The following TTC28 variants were observed in gnomAD, a reference collection of about 807,000 sequenced individuals.
TTC28 encodes tetratricopeptide repeat domain 28.
In TTC28, 61 loss-of-function variants were observed where a neutral mutation model predicts 198.0. The ratio of observed to expected loss-of-function variants is 0.31; its 90% confidence interval spans 0.25 to 0.38. The LOEUF is 0.38. TTC28 is among the 10% of genes least tolerant of loss of function. The pLI is 1.00. For missense variants in TTC28, 2,678 were observed against 3,164.0 expected, an observed-to-expected ratio of 0.85 and a Z score of 3.69; for synonymous variants, 1,171 against 1,297.8, an observed-to-expected ratio of 0.90 and a Z score of 2.10.
chr22:28,089,059 G>A (rs945184099), intron 12 of TTC28, among the ~76,000 whole-genome samples: 3 of 152,196 alleles, frequency 2.0e-5, no homozygotes, highest in African/African-American at 7.2e-5. Context: ...CTTTTACACT[G>A]TTGTTGGGAC....
intron 2 of TTC28, among the ~76,000 whole-genome samples, chr22:28,573,699 ACAAT>A (rs772579494): frequency 1.3e-5 from 2 of 152,096 alleles, no homozygotes; most frequent in Non-Finnish European, 2.9e-5. Context: ...TGTGTTACAA[ACAAT>A]CTAATTATAT....
intron 5 of TTC28, among the ~76,000 whole-genome samples, chr22:28,227,909 T>C (rs541643007): frequency 6.6e-6 from 1 of 152,198 alleles, no homozygotes; most frequent in Non-Finnish European, 1.5e-5. Context: ...AAATAGATAT[T>C]TGCACGTCCA....
At chr22:28,514,114 TATCTCC>T (rs2048737940) in intron 2 of TTC28, among the ~76,000 whole-genome samples, 1 of 152,196 alleles carries the variant, frequency 6.6e-6, no homozygotes, top group South Asian at 2.1e-4. Context: ...CACCTTTTTA[TATCTCC>T]ATGTATTCTT....
intron 12 of TTC28, among the ~76,000 whole-genome samples, chr22:28,062,541 C>G (rs1462856480): frequency 1.3e-5 from 2 of 151,026 alleles, no homozygotes; most frequent in Non-Finnish European, 2.9e-5. Context: ...GCCATCGTAG[C>G]TCACTGTAGA....
chr22:28,529,340 G>A (rs1433630471), intron 2 of TTC28, among the ~76,000 whole-genome samples: 1 of 152,202 alleles, frequency 6.6e-6, no homozygotes, highest in Admixed American at 6.5e-5. Flanking sequence ...GAACTGCAAG[G>A]CAGCAGCGAG....
At chr22:28,408,592 T>C (rs1396088764) in intron 2 of TTC28, among the ~76,000 whole-genome samples, 2 of 152,212 alleles carry the variant, frequency 1.3e-5, no homozygotes, top group Non-Finnish European at 2.9e-5. Flanking sequence ...GGTTTCAACA[T>C]GTTTGTCAGG....
chr22:28,094,724 G>C (rs1941921471), intron 11 of TTC28, among the ~76,000 whole-genome samples: 1 of 152,148 alleles, frequency 6.6e-6, no homozygotes, highest in Non-Finnish European at 1.5e-5. Context: ...ATAAAGGCCA[G>C]ATAAAAACAT....
chr22:28,378,644 C>CA (rs1263973648), intron 2 of TTC28, among the ~76,000 whole-genome samples: 1 of 148,072 alleles, frequency 6.8e-6, no homozygotes, highest in Non-Finnish European at 1.5e-5. Flanking sequence ...GATTCTGTGT[C>CA]AAAAAAACAA....
intron 2 of TTC28, among the ~76,000 whole-genome samples, chr22:28,510,557 A>G (rs2048673808): frequency 6.6e-6 from 1 of 152,152 alleles, no homozygotes. Flanking sequence ...CCCACAACCA[A>G]TATCATACTG....
chr22:28,103,549 C>T (rs902360099), intron 8 of TTC28, among the ~76,000 whole-genome samples: 15 of 152,126 alleles, frequency 9.9e-5, no homozygotes, highest in African/African-American at 1.4e-4. Flanking sequence ...TCAGAGCATT[C>T]GGAAAGCACC....
chr22:28,559,896 A>G lies in TTC28; in HGVS notation c.381+69656T>C, dbSNP rs546488400. On this transcript the variant is annotated intron_variant, in intron 2 of 22. Transcript: ENST00000397906. ...TTTATTATGGCTTTAACTACCACCT[A>G]TGTGCTGGCAAATCTCAGATTTATA... is the stretch of plus-strand genomic sequence containing the variant. 1.1e-4 allele frequency among the ~76,000 whole-genome samples: 16 copies of G among 152,240 alleles called. 1 individual carries two copies. The South Asian group carries it at 3.3e-3, about 32-fold the overall frequency.
intron 2 of TTC28, among the ~76,000 whole-genome samples, chr22:28,562,696 G>A (rs1311315536): frequency 6.6e-6 from 1 of 152,192 alleles, no homozygotes; most frequent in Non-Finnish European, 1.5e-5. Flanking sequence ...CAGGTTTGGA[G>A]CTGACAAACA....
At chr22:28,068,130 A>G (rs1940832269) in intron 12 of TTC28, among the ~76,000 whole-genome samples, 1 of 152,178 alleles carries the variant, frequency 6.6e-6, no homozygotes, top group East Asian at 1.9e-4. Flanking sequence ...ATTACAATTA[A>G]AGACTTTTCA....
At chr22:28,361,810 T>C (rs1461322832) in intron 2 of TTC28, among the ~76,000 whole-genome samples, 1 of 152,198 alleles carries the variant, frequency 6.6e-6, no homozygotes, top group Non-Finnish European at 1.5e-5. Flanking sequence ...TTTAAGTCAT[T>C]TTATTCACCA....
In TTC28 at chr22:28,233,909, GT is replaced by G. The variant is rs529892559; in HGVS notation, c.933+62288del. Reference sequence around the variant, plus strand: ...ACCCACCACCACACCTAGCAAATTAGTTTTTTTTTTTTTTTTTGAGACAGAG... The same window carrying G: ...ACCCACCACCACACCTAGCAAATTAGTTTTTTTTTTTTTTTTGAGACAGAG... On this transcript the variant is annotated intron_variant, in intron 5 of 22. Transcript: ENST00000397906. Among the ~76,000 whole-genome samples the G allele has an allele frequency of 1.1e-3, 147 of 131,974 alleles. 1 individual carries two copies. Among genetic ancestry groups the G allele is most frequent in the Admixed American group, 1.7e-3 (22 of 13,194 alleles). 86.6% of individuals were successfully genotyped at this position (131,974 alleles called of 152,430 possible).
chr22:27,990,186 G>C, intron 20 of TTC28, 179 bp from the exon 21 acceptor site: 3 of 855,620 alleles, frequency 3.5e-6, no homozygotes, highest in Non-Finnish European at 5.0e-6. Flanking sequence ...TGTCCTCTCT[G>C]TGGGAAGCTC....
chr22:28,522,975 A>G (rs760623210), intron 2 of TTC28, among the ~76,000 whole-genome samples: 6 of 152,202 alleles, frequency 3.9e-5, no homozygotes, highest in Non-Finnish European at 7.3e-5. Flanking sequence ...GATGCATGCA[A>G]AACTCCATGA....
intron 12 of TTC28, among the ~76,000 whole-genome samples, chr22:28,085,050 G>C (rs1440130709): frequency 6.6e-6 from 1 of 152,132 alleles, no homozygotes. Flanking sequence ...GTACCTGAAA[G>C]TCATGGGGAG....
chr22:28,164,542 G>C (rs1412526508), intron 5 of TTC28, among the ~76,000 whole-genome samples: 3 of 152,200 alleles, frequency 2.0e-5, no homozygotes, highest in Non-Finnish European at 4.4e-5. Context: ...AGGGTCTGGA[G>C]TGGACCTCCA....
Sources: allele counts gnomAD v4.1 joint callset (sites outside exome capture counted in the v4.1 genomes callset), GRCh38; gene constraint gnomAD v4.1.1; transcripts MANE v1.5; gene names NCBI Gene and HGNC (gene_info 2026-07-23, HGNC 2026-07-21).